Variants in KANSL1 observed in about 807,000 individuals in gnomAD.
KANSL1 encodes MLL1/MLL complex subunit KANSL1.
Under a neutral mutation model 103.6 loss-of-function variants are expected in KANSL1, and 22 were observed. The observed-to-expected ratio is 0.21, with a 90% confidence interval of 0.15 to 0.30. The LOEUF is 0.30. Ranked by LOEUF, KANSL1 falls within the 10% of genes least tolerant of loss-of-function variation. KANSL1 has a pLI of 1.00. For missense variants in KANSL1, 1,337 were observed against 1,399.8 expected, an observed-to-expected ratio of 0.96 and a Z score of 0.72; for synonymous variants, 600 against 527.6, an observed-to-expected ratio of 1.14 and a Z score of -1.88.
intron 2 of KANSL1, among the ~76,000 whole-genome samples, chr17:46,141,979 A>T (rs554302535): frequency 6.6e-6 from 1 of 152,248 alleles, no homozygotes; most frequent in East Asian, 1.9e-4. Flanking sequence ...ACCTCCACCT[A>T]CCAGGTTCAA....
chr17:46,180,996 G>A (rs1382380502), intron 1 of KANSL1, among the ~76,000 whole-genome samples: 1 of 152,146 alleles, frequency 6.6e-6, no homozygotes, highest in Non-Finnish European at 1.5e-5. Flanking sequence ...TTGAAAGTAA[G>A]TAAAAAGGCA....
intron 2 of KANSL1, among the ~76,000 whole-genome samples, chr17:46,140,294 G>A (rs1567720781): frequency 6.6e-6 from 1 of 151,828 alleles, no homozygotes; most frequent in African/African-American, 2.4e-5. Flanking sequence ...CACATGATGG[G>A]GAAAAAAAGG....
intron 2 of KANSL1, among the ~76,000 whole-genome samples, chr17:46,159,070 C>G (rs967878001): frequency 6.6e-6 from 1 of 152,182 alleles, no homozygotes; most frequent in African/African-American, 2.4e-5. Context: ...ATGAGAAAAG[C>G]AGGTGAGTAG....
At chr17:46,139,226 GAC>G (rs1270116183) in intron 2 of KANSL1, among the ~76,000 whole-genome samples, 6 of 150,230 alleles carry the variant, frequency 4.0e-5, no homozygotes, top group African/African-American at 1.2e-4. Flanking sequence ...TCATAGTATT[GAC>G]ATTATTTTCT....
intron 6 of KANSL1, among the ~76,000 whole-genome samples, chr17:46,055,268 A>T (rs1014073461): frequency 6.6e-6 from 1 of 152,048 alleles, no homozygotes; most frequent in East Asian, 2.0e-4. Context: ...GTTCAAGACC[A>T]GCCTGACCAA....
rs1465699358 is a variant in KANSL1, at chr17:46,038,612, C to T, written c.2467G>A (p.Val823Met). Reference sequence around the variant, plus strand: ...TCTGAGGAGGTGGAGAGCTGTCGCACCAAGGGACTGTGTGGAGGATGGTGG... The same window carrying T: ...TCTGAGGAGGTGGAGAGCTGTCGCATCAAGGGACTGTGTGGAGGATGGTGG... ...ATHHPPHSPL[V>M]RQLSTSSDSP... Residue 823 changes from valine (V) to methionine (M), a missense_variant, in exon 10 of 15, where the codon GTG (valine) becomes ATG (methionine). Val to Met is a conservative substitution (Grantham distance 21). This residue lies in a region of KANSL1 where 780 missense variants were observed against 923.4 expected (regional missense o/e 0.84). Transcript: ENST00000432791. 1.9e-6 allele frequency: 3 copies of T among 1,614,008 alleles called. No homozygotes were observed. In the African/African-American group the frequency reaches 4.0e-5, roughly 22 times the overall value.
intron 2 of KANSL1, among the ~76,000 whole-genome samples, chr17:46,136,909 T>C (rs904575294): frequency 6.6e-6 from 1 of 152,258 alleles, no homozygotes; most frequent in African/African-American, 2.4e-5. Context: ...AAAATGTTCA[T>C]GGTTACTTTT....
chr17:46,106,215 T>C (rs1406960457), intron 2 of KANSL1, among the ~76,000 whole-genome samples: 1 of 152,194 alleles, frequency 6.6e-6, no homozygotes, highest in Non-Finnish European at 1.5e-5. Flanking sequence ...CTAGCTATTA[T>C]CATTGAGCCC....
intron 1 of KANSL1, among the ~76,000 whole-genome samples, chr17:46,217,521 AG>A: frequency 6.6e-6 from 1 of 152,008 alleles, no homozygotes; most frequent in Non-Finnish European, 1.5e-5. Flanking sequence ...AGTTAAAATG[AG>A]GTCATCAGAG....
intron 2 of KANSL1, among the ~76,000 whole-genome samples, chr17:46,153,951 T>A (rs2045272840): frequency 1.3e-5 from 2 of 152,118 alleles, no homozygotes; most frequent in Non-Finnish European, 2.9e-5. Context: ...GAGAAAACAC[T>A]CTCCTCATGA....
intron 2 of KANSL1, among the ~76,000 whole-genome samples, chr17:46,114,772 A>C (rs1296466370): frequency 1.3e-5 from 2 of 152,234 alleles, no homozygotes; most frequent in Non-Finnish European, 2.9e-5. Context: ...CTGAGTGGGG[A>C]GGTAACTAGT....
intron 7 of KANSL1, among the ~76,000 whole-genome samples, chr17:46,046,840 TAAAAA>T (rs36102082): frequency 1.7e-5 from 2 of 118,684 alleles, no homozygotes; most frequent in Non-Finnish European, 1.7e-5. Flanking sequence ...GTCTCAAAAG[TAAAAA>T]AAAAAAAAAA....
At chr17:46,183,612 T>C (rs1472528396) in intron 1 of KANSL1, among the ~76,000 whole-genome samples, 1 of 115,638 alleles carries the variant, frequency 8.6e-6, no homozygotes, top group African/African-American at 3.6e-5. Flanking sequence ...GGAGAGGAGG[T>C]GAGAGAAGAA....
rs372601814 is a variant in KANSL1, at chr17:46,171,525, T to C, written c.619A>G (p.Asn207Asp). 14 of 1,613,726 alleles carry C rather than the reference T, an allele frequency of 8.7e-6. No homozygotes were observed. The African/African-American group carries it at 1.6e-4, about 18-fold the overall frequency. ...ESGDLKGGMT[N>D]CTLPHRSLDV... The stretch of plus-strand genomic sequence containing the variant: ...AGGCTTCTATGTGGAAGAGTGCAAT[T>C]GGTCATACCCCCCTTCAAGTCCCCA... Residue 207 changes from asparagine to aspartate, a missense_variant, in exon 2 of 15, where the codon AAT (asparagine) becomes GAT (aspartate). Transcript: ENST00000432791.
upstream of KANSL1, chr17:46,193,533 G>C (rs1369420707): frequency 6.8e-6 from 1 of 147,504 alleles, no homozygotes; most frequent in Non-Finnish European, 1.5e-5. Flanking sequence ...CCACCCCGGC[G>C]CGCCGCCAGG....
At chr17:46,159,540 T>G (rs369363149) in intron 2 of KANSL1, among the ~76,000 whole-genome samples, 11 of 152,336 alleles carry the variant, frequency 7.2e-5, no homozygotes, top group African/African-American at 2.6e-4. Flanking sequence ...CCAATCAGGA[T>G]AGTCCTCAAC....
At chr17:46,066,480 CT>C in intron 6 of KANSL1, 56 bp downstream of exon 6, 2 of 1,464,340 alleles carry the variant, frequency 1.4e-6, no homozygotes, top group East Asian at 4.6e-5. Context: ...AAGAGACTAA[CT>C]CTATCTGAGC....
chr17:46,146,832 CAAAAAAAAAA>C (rs1023164178), intron 2 of KANSL1, among the ~76,000 whole-genome samples: 9 of 37,322 alleles, frequency 2.4e-4, no homozygotes, highest in East Asian at 2.2e-3. Flanking sequence ...GACTCCGTCT[CAAAAAAAAAA>C]AAAAAAAAAA....
intron 2 of KANSL1, among the ~76,000 whole-genome samples, chr17:46,123,395 A>G (rs1199488119): frequency 6.6e-6 from 1 of 152,206 alleles, no homozygotes; most frequent in Non-Finnish European, 1.5e-5. Flanking sequence ...AAAAGAATAT[A>G]TATTTTTTAA....
Sources: gnomAD v4.1 joint callset for allele counts (sites outside exome capture counted in the v4.1 genomes callset) on GRCh38, gnomAD v4.1.1 for gene constraint, gnomAD v4.1.1 regional missense constraint, MANE v1.5 for transcripts, NCBI Gene and HGNC (gene_info 2026-07-23, HGNC 2026-07-21) for gene names.